The following CSMD3 variants were observed in gnomAD, a reference collection of about 807,000 sequenced individuals.
The protein encoded by CSMD3 is CUB and Sushi multiple domains 3.
CSMD3 carries 177 observed loss-of-function variants against 435.2 expected under a neutral mutation model. The ratio of observed to expected loss-of-function variants is 0.41; its 90% confidence interval spans 0.36 to 0.46. CSMD3 has a LOEUF of 0.46. Ranked by LOEUF, CSMD3 falls within the 20% of genes least tolerant of loss-of-function variation. The probability of loss-of-function intolerance (pLI) is 0.34; values close to 1 mark genes in which losing one functional copy is unlikely to be tolerated. For synonymous variants in CSMD3, 1,656 were observed against 1,520.5 expected (o/e 1.09, Z -2.07); for missense variants, 4,265 against 4,504.6 (o/e 0.95, Z 1.52).
intron 35 of CSMD3, among the ~76,000 whole-genome samples, chr8:112,398,920 C>CTT (rs201965219): frequency 1.4e-5 from 2 of 143,960 alleles, no homozygotes; most frequent in Non-Finnish European, 1.5e-5. Context: ...TGATTAAACT[C>CTT]TTTTTTTTTT....
intron 9 of CSMD3, among the ~76,000 whole-genome samples, chr8:112,931,647 A>G (rs899498031): frequency 6.6e-6 from 1 of 152,158 alleles, no homozygotes; most frequent in African/African-American, 2.4e-5. Context: ...AAAAATCAAC[A>G]AAGTAAAAAG....
chr8:112,560,545 A>G (rs1828529939), intron 24 of CSMD3, among the ~76,000 whole-genome samples: 1 of 151,772 alleles, frequency 6.6e-6, no homozygotes, highest in African/African-American at 2.4e-5. Context: ...TTTTAAAAAT[A>G]GTTTCAAGAA....
intron 1 of CSMD3, among the ~76,000 whole-genome samples, chr8:113,367,384 T>G (rs2094319182): frequency 6.6e-6 from 1 of 152,050 alleles, no homozygotes; most frequent in Admixed American, 6.6e-5. Flanking sequence ...CAAATTTACT[T>G]CATTTTTTAA....
chr8:112,939,855 CA>C lies in CSMD3; in HGVS notation c.1508+7934del, dbSNP rs368120578. 3.1e-3 allele frequency among the ~76,000 whole-genome samples: 470 copies of C among 151,952 alleles called. 4 individuals are homozygous for C. Among genetic ancestry groups the C allele is most frequent in the African/African-American group, 9.7e-3 (402 of 41,486 alleles). On this transcript the variant is annotated intron_variant, in intron 9 of 70. Coordinates refer to ENST00000297405, the MANE Select transcript of CSMD3 (RefSeq NM_198123.2). ...AAAATGGGTAGTCAATGGCTACACT[CA>C]AGGAAACCAAGCTATTTCTCAGCCA... is the stretch of plus-strand genomic sequence containing the variant.
intron 27 of CSMD3, among the ~76,000 whole-genome samples, chr8:112,541,760 C>CA (rs1204683502): frequency 1.3e-5 from 2 of 151,644 alleles, no homozygotes; most frequent in African/African-American, 2.4e-5. Context: ...CAAAAACAAA[C>CA]AAAAAAATTT....
At chr8:113,149,842 A>C (rs2091764830) in intron 4 of CSMD3, among the ~76,000 whole-genome samples, 1 of 151,966 alleles carries the variant, frequency 6.6e-6, no homozygotes, top group Non-Finnish European at 1.5e-5. Flanking sequence ...CCAATAGCAA[A>C]TGCATGCCAT....
chr8:112,223,688 T>C lies in CSMD3; in HGVS notation c.*1083A>G, dbSNP rs1198916283. 2 of 152,174 alleles carry C rather than the reference T, an allele frequency of 1.3e-5. No homozygotes were observed. Among genetic ancestry groups the C allele is most frequent in the East Asian group, 3.8e-4 (2 of 5,198 alleles). 9.4% of individuals were successfully genotyped at this position (152,174 alleles called of 1,614,324 possible). On this transcript the variant is annotated 3_prime_UTR_variant, in exon 71 of 71. Transcript: ENST00000297405. ...ATTGGTGATTTATAATAATAATTTTTTTCAGTCATTATGTTTAGTGGCTAG... is the reference window on the plus strand; with the variant it reads ...ATTGGTGATTTATAATAATAATTTTCTTCAGTCATTATGTTTAGTGGCTAG...
intron 2 of CSMD3, among the ~76,000 whole-genome samples, chr8:113,298,998 G>A (rs1466308909): frequency 6.6e-6 from 1 of 152,076 alleles, no homozygotes; most frequent in East Asian, 1.9e-4. Context: ...TTATACTGTA[G>A]TCTAACAGAG....
At position 112,624,707 on chromosome 8, in the gene CSMD3, G is replaced by C. The variant is rs76272775; in HGVS notation, c.3715+12110C>G. Among the ~76,000 whole-genome samples the C allele has an allele frequency of 6.2e-3, 936 of 151,966 alleles. 14 individuals are homozygous for C. The highest frequency in any genetic ancestry group is 0.022 in the African/African-American group (899 of 41,460). ...ATAAATGAATAAAAGTACTAGCAAG[G>C]TATCACTATGTACATGCTGAACACT... On this transcript the variant is annotated intron_variant, in intron 22 of 70. Transcript: ENST00000297405.
chr8:112,828,487 ATCTC>A (rs1178145123), intron 12 of CSMD3, among the ~76,000 whole-genome samples: 1 of 150,940 alleles, frequency 6.6e-6, no homozygotes, highest in African/African-American at 2.4e-5. Context: ...TCCTGCCACC[ATCTC>A]TCTCTCTCTC....
chr8:113,127,165 G>C (rs2091157258), intron 4 of CSMD3, among the ~76,000 whole-genome samples: 1 of 151,986 alleles, frequency 6.6e-6, no homozygotes, highest in South Asian at 2.1e-4. Context: ...AGAGTGCCTT[G>C]CTCCCAAGAG....
At chr8:113,329,315 T>A (rs149053214) in intron 1 of CSMD3, among the ~76,000 whole-genome samples, 50 of 151,954 alleles carry the variant, frequency 3.3e-4, no homozygotes, top group African/African-American at 1.1e-3. Context: ...AATAACCAGA[T>A]GGAAATTCTG....
At chr8:112,588,840 T>G (rs1694774180) in intron 22 of CSMD3, among the ~76,000 whole-genome samples, 1 of 152,142 alleles carries the variant, frequency 6.6e-6, no homozygotes. Flanking sequence ...TAGTGCAACA[T>G]AATGCCAGGC....
At chr8:112,724,026 C>G (rs1427643139) in intron 13 of CSMD3, among the ~76,000 whole-genome samples, 2 of 151,064 alleles carry the variant, frequency 1.3e-5, no homozygotes, top group South Asian at 2.1e-4. Context: ...TGTAGAGAGA[C>G]AGAAAATATT....
intron 63 of CSMD3, among the ~76,000 whole-genome samples, chr8:112,248,803 A>C (rs996000839): frequency 6.6e-5 from 10 of 152,088 alleles, no homozygotes; most frequent in Admixed American, 4.6e-4. Context: ...ATCTGACAAC[A>C]ACCTTTTTTC....
At chr8:112,504,363 A>G (rs1822294821) in intron 29 of CSMD3, among the ~76,000 whole-genome samples, 1 of 152,110 alleles carries the variant, frequency 6.6e-6, no homozygotes, top group Non-Finnish European at 1.5e-5. Context: ...TATGTGGAGG[A>G]TAATATGTAT....
At chr8:112,774,889 T>C (rs1180173486) in intron 13 of CSMD3, among the ~76,000 whole-genome samples, 2 of 152,020 alleles carry the variant, frequency 1.3e-5, no homozygotes, top group East Asian at 3.9e-4. Context: ...TTGCTTAAAT[T>C]CCTCTGATGA....
intron 10 of CSMD3, among the ~76,000 whole-genome samples, chr8:112,909,940 A>G (rs965708337): frequency 6.6e-6 from 1 of 151,726 alleles, no homozygotes; most frequent in African/African-American, 2.4e-5. Flanking sequence ...TCAAACTTCC[A>G]CTTTGCCACT....
At chr8:112,997,317 A>G (rs1484255488) in intron 6 of CSMD3, among the ~76,000 whole-genome samples, 1 of 151,674 alleles carries the variant, frequency 6.6e-6, no homozygotes, top group African/African-American at 2.4e-5. Flanking sequence ...CAATTTCTAA[A>G]TTATGTATTC....
Sources: gnomAD v4.1 joint callset for allele counts (sites outside exome capture counted in the v4.1 genomes callset) on GRCh38, gnomAD v4.1.1 for gene constraint, MANE v1.5 for transcripts, NCBI Gene and HGNC (gene_info 2026-07-23, HGNC 2026-07-21) for gene names.